The following ELOC variants were observed in gnomAD, a reference collection of about 807,000 sequenced individuals.
ELOC encodes the protein elongin C.
For missense variants in ELOC, 38 were observed against 139.0 expected, an observed-to-expected ratio of 0.27 and a Z score of 3.65; for synonymous variants, 40 against 51.3, an observed-to-expected ratio of 0.78 and a Z score of 0.94.
intron 1 of ELOC, among the ~76,000 whole-genome samples, chr8:73,971,085 A>C (rs1034608258): frequency 3.3e-5 from 5 of 150,738 alleles, no homozygotes; most frequent in African/African-American, 1.2e-4. Flanking sequence ...GCAGTTAAAA[A>C]GTGAGAAAGT....
At chr8:73,961,956 C>T (rs1236252924) in intron 1 of ELOC, among the ~76,000 whole-genome samples, 1 of 152,104 alleles carries the variant, frequency 6.6e-6, no homozygotes, top group Non-Finnish European at 1.5e-5. Context: ...AGTGCAGTGG[C>T]GTGATCTTGG....
At chr8:73,960,141 C>T (rs573702687) in intron 1 of ELOC, among the ~76,000 whole-genome samples, 3 of 152,042 alleles carry the variant, frequency 2.0e-5, no homozygotes, top group South Asian at 2.1e-4. Context: ...AAGTAACAGA[C>T]GTGTAAAAAT....
In ELOC at chr8:73,968,552, T is replaced by C. The variant is rs114213953; in HGVS notation, c.-51+3525A>G. Among the ~76,000 whole-genome samples the C allele has an allele frequency of 6.0e-3, 921 of 152,344 alleles. 13 individuals carry two copies. Among genetic ancestry groups the C allele is most frequent in the African/African-American group, 0.021 (866 of 41,580 alleles). On this transcript the variant is annotated intron_variant, in intron 1 of 3. Transcript: ENST00000520242. ...CATATTAACAGAACCTTTCGAAAGATAGGCTAAAAATAAACTGAAACCAAT... is the reference window on the plus strand; with the variant it reads ...CATATTAACAGAACCTTTCGAAAGACAGGCTAAAAATAAACTGAAACCAAT...
intron 1 of ELOC, among the ~76,000 whole-genome samples, chr8:73,971,399 C>A (rs1039581314): frequency 5.1e-4 from 77 of 152,254 alleles, no homozygotes; most frequent in Non-Finnish European, 8.4e-4. Context: ...AAGTCTGTCT[C>A]CCCCGGCCCC....
rs1813339485 is a variant in ELOC, at chr8:73,945,696, C to T, written c.*934G>A. On this transcript the variant is annotated 3_prime_UTR_variant, in exon 4 of 4. Transcript: ENST00000520242. ...TAATTCATGTAGGATATCTTCAATGCATTATAATATGATTTTCACTGTATC... is the reference window on the plus strand; with the variant it reads ...TAATTCATGTAGGATATCTTCAATGTATTATAATATGATTTTCACTGTATC... 6.6e-6 allele frequency: 1 copy of T among 152,144 alleles called. No homozygotes were observed. The highest frequency in any genetic ancestry group is 1.5e-5 in the Non-Finnish European group (1 of 68,030). 9.4% of individuals were successfully genotyped at this position (152,144 alleles called of 1,614,324 possible).
In ELOC at chr8:73,946,542, G is replaced by A; in HGVS notation, c.*88C>T. 1 of 1,030,620 alleles carries A rather than the reference G, an allele frequency of 9.7e-7. No individual in the cohort carries two copies. The highest frequency in any genetic ancestry group is 1.4e-6 in the Non-Finnish European group (1 of 725,594). 63.8% of individuals were successfully genotyped at this position (1,030,620 alleles called of 1,614,324 possible). On this transcript the variant is annotated 3_prime_UTR_variant, in exon 4 of 4. Coordinates refer to ENST00000520242, the MANE Select transcript of ELOC (RefSeq NM_005648.4). ...CTTTATATAGTTCAACTGCATACAG[G>A]CAACATGCTATATATGAAAAAGTTA... is the stretch of plus-strand genomic sequence containing the variant.
Position 73,946,603 on chromosome 8 carries a change from T to TTG in ELOC, c.*26_*27insCA, listed in dbSNP as rs1813398091. Reference sequence around the variant, plus strand: ...TACAGGTATTAAATACTGAAAAGAGTTAACAGTTTATTATAATTTATTTTA... The same window carrying TTG: ...TACAGGTATTAAATACTGAAAAGAGTTGTAACAGTTTATTATAATTTATTTTA... On this transcript the variant is annotated 3_prime_UTR_variant, in exon 4 of 4. Transcript: ENST00000520242. 5.3e-6 allele frequency: 8 copies of TTG among 1,504,318 alleles called. No individual in the cohort carries two copies. In the East Asian group the frequency reaches 2.0e-4, roughly 37 times the overall value. The allele number at this position is 1,504,318 out of a possible 1,614,324, so 93.2% of individuals were successfully genotyped here.
chr8:73,963,730 T>C (rs1814766270), intron 1 of ELOC, among the ~76,000 whole-genome samples: 1 of 152,094 alleles, frequency 6.6e-6, no homozygotes, highest in African/African-American at 2.4e-5. Context: ...ATGTAAAATA[T>C]CCATAAAAAT....
chr8:73,955,661 A>C, intron 3 of ELOC: 1 of 447,486 alleles, frequency 2.2e-6, no homozygotes, highest in Admixed American at 3.8e-5. Context: ...AATTCCAGCT[A>C]CTCTGAGGCA....
rs1815308781 is a variant in ELOC, at chr8:73,970,821, C to T, written c.-51+1256G>A. On this transcript the variant is annotated intron_variant, in intron 1 of 3. Transcript: ENST00000520242. The stretch of plus-strand genomic sequence containing the variant: ...GGATCACCTGAGGTCAGGAGTCCAG[C>T]CTGACCAACATGGTGAAACCCCATC... Among the ~76,000 whole-genome samples the T allele has an allele frequency of 2.0e-5, 3 of 147,904 alleles. No individual in the cohort carries two copies. In the South Asian group the frequency reaches 6.5e-4, roughly 32 times the overall value.
At chr8:73,956,109 A>C in intron 2 of ELOC, 55 bp from the exon 3 acceptor site, 1 of 1,559,650 alleles carries the variant, frequency 6.4e-7, no homozygotes, top group Non-Finnish European at 8.8e-7. Flanking sequence ...TACTAAAACT[A>C]AACAGGTTTG....
intron 2 of ELOC, among the ~76,000 whole-genome samples, chr8:73,959,414 T>C (rs1814439186): frequency 1.3e-5 from 2 of 151,996 alleles, no homozygotes; most frequent in African/African-American, 4.8e-5. Flanking sequence ...CTTTTTTCTA[T>C]TTTAAAAAAT....
At chr8:73,964,745 T>G (rs1048018149) in intron 1 of ELOC, 4 of 152,120 alleles carry the variant, frequency 2.6e-5, no homozygotes, top group African/African-American at 9.7e-5. Context: ...ATACCATAGC[T>G]GGGCACCGTG....
chr8:73,964,160 T>G (rs1814808566), intron 1 of ELOC, among the ~76,000 whole-genome samples: 1 of 148,292 alleles, frequency 6.7e-6, no homozygotes, highest in South Asian at 2.1e-4. Context: ...CACAGTATGT[T>G]AAGTGGTCCC....
At chr8:73,956,928 T>C (rs1814230312) in intron 2 of ELOC, among the ~76,000 whole-genome samples, 1 of 152,080 alleles carries the variant, frequency 6.6e-6, no homozygotes, top group Non-Finnish European at 1.5e-5. Flanking sequence ...GATCACGACG[T>C]CAGGAGATCG....
At chr8:73,966,488 CT>C (rs35152858) in intron 1 of ELOC, among the ~76,000 whole-genome samples, 23,822 of 141,932 alleles carry the variant, frequency 0.17, 3,056 homozygotes, top group African/African-American at 0.36. Flanking sequence ...AGCCATGGGT[CT>C]TTTTTTTTTT....
chr8:73,948,789 G>A (rs1586590555), intron 3 of ELOC, among the ~76,000 whole-genome samples: 1 of 152,056 alleles, frequency 6.6e-6, no homozygotes, highest in African/African-American at 2.4e-5. Context: ...GCGCCATGAT[G>A]GCGCCACTGT....
At chr8:73,967,763 C>T (rs533974346) in intron 1 of ELOC, among the ~76,000 whole-genome samples, 2 of 152,236 alleles carry the variant, frequency 1.3e-5, no homozygotes, top group South Asian at 2.1e-4. Context: ...CCACTGCATC[C>T]GGCCTATAAT....
At chr8:73,951,128 G>A (rs1284715424) in intron 3 of ELOC, among the ~76,000 whole-genome samples, 1 of 152,080 alleles carries the variant, frequency 6.6e-6, no homozygotes, top group African/African-American at 2.4e-5. Flanking sequence ...AAAATTAGCT[G>A]GGCGTGGTGG....
Sources: allele counts gnomAD v4.1 joint callset (sites outside exome capture counted in the v4.1 genomes callset), GRCh38; gene constraint gnomAD v4.1.1; transcripts MANE v1.5; gene names NCBI Gene and HGNC (gene_info 2026-07-23, HGNC 2026-07-21).